The following FSTL5 variants were observed in gnomAD, a reference collection of about 807,000 sequenced individuals.
The protein encoded by FSTL5 is follistatin like 5, also known as follistatin-related protein 5.
A neutral mutation model predicts 89.1 loss-of-function variants in FSTL5; 62 were observed. The observed-to-expected ratio is 0.70, with a 90% CI of 0.57 to 0.86. The LOEUF is 0.86. Ranked by LOEUF, FSTL5 falls within the 40% of genes least tolerant of loss-of-function variation. The probability of loss-of-function intolerance (pLI) is 0.00; values close to 1 mark genes in which losing one functional copy is unlikely to be tolerated. For synonymous variants in FSTL5, 383 were observed against 346.2 expected (o/e 1.11, Z -1.18); for missense variants, 1,057 against 1,001.6 (o/e 1.06, Z -0.75).
Position 161,425,515 on chromosome 4 carries a change from C to T in FSTL5, c.1841+29489G>A, listed in dbSNP as rs144348165. ...AGATACAGTAGGTTTTTGAATGATT[C>T]GTGTATCACATTTTCATAGCTATTT... On this transcript the variant is annotated intron_variant, in intron 15 of 15. Coordinates refer to ENST00000306100, the MANE Select transcript of FSTL5 (RefSeq NM_020116.5). Among the ~76,000 whole-genome samples the T allele has an allele frequency of 4.7e-3, 721 of 152,230 alleles. 3 individuals carry two copies. Among genetic ancestry groups the T allele is most frequent in the Middle Eastern group, 0.01 (3 of 294 alleles).
intron 2 of FSTL5, among the ~76,000 whole-genome samples, chr4:162,044,382 A>G (rs1412002081): frequency 2.0e-5 from 3 of 152,174 alleles, no homozygotes; most frequent in Non-Finnish European, 4.4e-5. Flanking sequence ...TTCAATAATG[A>G]GCTTAAAATA....
At chr4:161,992,813 C>T (rs1182993141) in intron 3 of FSTL5, among the ~76,000 whole-genome samples, 8 of 138,258 alleles carry the variant, frequency 5.8e-5, no homozygotes, top group African/African-American at 2.2e-4. Flanking sequence ...TGCCATTGAA[C>T]TTCAGCCTGG....
chr4:161,456,157 T>C (rs1436146786), intron 14 of FSTL5, among the ~76,000 whole-genome samples: 1 of 152,220 alleles, frequency 6.6e-6, no homozygotes, highest in African/African-American at 2.4e-5. Context: ...TTCCTGGGAA[T>C]ATTTTATTCT....
chr4:161,833,146 G>A (rs1730904971), intron 4 of FSTL5, among the ~76,000 whole-genome samples: 1 of 151,586 alleles, frequency 6.6e-6, no homozygotes, highest in Non-Finnish European at 1.5e-5. Flanking sequence ...GTACCCAGTA[G>A]TCATTCAGGA....
At chr4:161,863,139 G>C (rs187513835) in intron 4 of FSTL5, among the ~76,000 whole-genome samples, 5 of 152,188 alleles carry the variant, frequency 3.3e-5, no homozygotes, top group Admixed American at 3.3e-4. Flanking sequence ...TCTAATTATA[G>C]CTATCTTTGT....
rs113818567 is a variant in FSTL5 at position 161,948,122 on chromosome 4, T to TA, written c.161-27471dup. Reference sequence around the variant, plus strand: ...CAAGACCCTGTCTCTACAGAAAATTTAAAAAAAAAAAGCTGCTGGGTGTAG... The same window carrying TA: ...CAAGACCCTGTCTCTACAGAAAATTTAAAAAAAAAAAAGCTGCTGGGTGTAG... On this transcript the variant is annotated intron_variant, in intron 3 of 15. Transcript: ENST00000306100. Among the ~76,000 whole-genome samples the TA allele has an allele frequency of 2.7e-3, 397 of 148,008 alleles. 2 individuals carry two copies. Among genetic ancestry groups the TA allele is most frequent in the African/African-American group, 7.7e-3 (308 of 39,988 alleles).
intron 2 of FSTL5, among the ~76,000 whole-genome samples, chr4:162,086,305 C>T (rs973345708): frequency 6.6e-6 from 1 of 151,702 alleles, no homozygotes; most frequent in Non-Finnish European, 1.5e-5. Flanking sequence ...TGCTCATTCC[C>T]CCCTCCTTTC....
intron 1 of FSTL5, among the ~76,000 whole-genome samples, chr4:162,140,705 T>G (rs2111479483): frequency 6.6e-6 from 1 of 152,180 alleles, no homozygotes; most frequent in South Asian, 2.1e-4. Flanking sequence ...GTCTTAAGAG[T>G]AACATAATCG....
At chr4:161,610,811 G>A (rs1302005950) in intron 7 of FSTL5, among the ~76,000 whole-genome samples, 1 of 151,732 alleles carries the variant, frequency 6.6e-6, no homozygotes, top group East Asian at 1.9e-4. Flanking sequence ...TGTAGATGAA[G>A]TTTTTCTGTG....
At chr4:161,607,285 T>G (rs925905130) in intron 7 of FSTL5, among the ~76,000 whole-genome samples, 1 of 152,186 alleles carries the variant, frequency 6.6e-6, no homozygotes, top group Admixed American at 6.5e-5. Context: ...AGGAATATAT[T>G]GCTAAATTTT....
intron 2 of FSTL5, among the ~76,000 whole-genome samples, chr4:162,053,295 A>G (rs1738441060): frequency 6.6e-6 from 1 of 151,764 alleles, no homozygotes; most frequent in Admixed American, 6.6e-5. Flanking sequence ...TGTCCTCTTA[A>G]GGGTTGCAGT....
At chr4:162,065,102 CTT>C (rs1055401012) in intron 2 of FSTL5, among the ~76,000 whole-genome samples, 1 of 151,876 alleles carries the variant, frequency 6.6e-6, no homozygotes, top group Non-Finnish European at 1.5e-5. Flanking sequence ...CAAAAATTAA[CTT>C]AACATGGAAT....
At chr4:161,904,634 C>T (rs1210813153) in intron 4 of FSTL5, among the ~76,000 whole-genome samples, 1 of 107,216 alleles carries the variant, frequency 9.3e-6, no homozygotes, top group Non-Finnish European at 2.2e-5. Context: ...AAAACAAAAA[C>T]AGAAAAAAAA....
At chr4:161,551,811 C>A (rs972299717) in intron 8 of FSTL5, among the ~76,000 whole-genome samples, 4 of 151,904 alleles carry the variant, frequency 2.6e-5, no homozygotes, top group Non-Finnish European at 5.9e-5. Flanking sequence ...GGATCCCTTC[C>A]TTACACCTTA....
intron 6 of FSTL5, among the ~76,000 whole-genome samples, chr4:161,750,015 A>G (rs1740342104): frequency 6.6e-6 from 1 of 152,010 alleles, no homozygotes; most frequent in Non-Finnish European, 1.5e-5. Flanking sequence ...AATACGATAA[A>G]TACATTTGAT....
chr4:161,486,747 C>G (rs189206856), intron 12 of FSTL5, among the ~76,000 whole-genome samples: 28 of 152,264 alleles, frequency 1.8e-4, no homozygotes, highest in Admixed American at 5.2e-4. Flanking sequence ...ACACAGTCTT[C>G]TGTTTTCTTC....
intron 2 of FSTL5, among the ~76,000 whole-genome samples, chr4:162,043,965 T>C (rs1190921433): frequency 6.6e-6 from 1 of 152,166 alleles, no homozygotes; most frequent in Non-Finnish European, 1.5e-5. Flanking sequence ...CTTCCTTCAC[T>C]GAAGGGTGGA....
chr4:162,079,016 T>C (rs1474584678), intron 2 of FSTL5, among the ~76,000 whole-genome samples: 3 of 151,738 alleles, frequency 2.0e-5, no homozygotes, highest in Admixed American at 6.6e-5. Context: ...TAACACATAA[T>C]GGTTAGTGGA....
intron 4 of FSTL5, among the ~76,000 whole-genome samples, chr4:161,891,256 G>A (rs13108938): frequency 0.033 from 4,964 of 152,042 alleles, 86 homozygotes; most frequent in Non-Finnish European, 0.05. Context: ...CATTTCTGAG[G>A]AAATTTGCTC....
Sources: allele counts gnomAD v4.1 joint callset (sites outside exome capture counted in the v4.1 genomes callset), GRCh38; gene constraint gnomAD v4.1.1; transcripts MANE v1.5; gene names NCBI Gene and HGNC (gene_info 2026-07-23, HGNC 2026-07-21).